UBL7: variants seen among roughly 807,000 people sequenced by gnomAD.
UBL7 encodes the protein ubiquitin-like protein 7.
UBL7 carries 21 observed loss-of-function variants against 41.7 expected under a neutral mutation model. The ratio of observed to expected loss-of-function variants is 0.50; its 90% confidence interval spans 0.36 to 0.73. UBL7 has a LOEUF of 0.73. Ranked by LOEUF, UBL7 falls within the 30% of genes least tolerant of loss-of-function variation. UBL7 has a pLI of 0.00. For missense variants in UBL7, 403 were observed against 478.4 expected, an observed-to-expected ratio of 0.84 and a Z score of 1.47; for synonymous variants, 157 against 186.9, an observed-to-expected ratio of 0.84 and a Z score of 1.31.
At chr15:74,449,796 G>T in intron 7 of UBL7, 121 bp from the exon 8 acceptor site, 1 of 1,541,238 alleles carries the variant, frequency 6.5e-7, no homozygotes. Context: ...AAAATTACAG[G>T]ACAGATGCAC....
intron 10 of UBL7, among the ~76,000 whole-genome samples, chr15:74,447,840 C>T (rs57283440): frequency 0.024 from 3,609 of 152,232 alleles, 145 homozygotes; most frequent in African/African-American, 0.083. Flanking sequence ...GCCCCATCTG[C>T]GGATCTTCTA....
intron 6 of UBL7, 115 bp from the exon 7 acceptor site, chr15:74,450,184 T>C: frequency 7.9e-7 from 1 of 1,264,854 alleles, no homozygotes; most frequent in Non-Finnish European, 1.1e-6. Flanking sequence ...TGCTCTCAAA[T>C]TCCTCAGTCT....
Position 74,452,386 on chromosome 15 carries a change from A to G in UBL7, c.305-8T>C. 6.4e-7 allele frequency: 1 copy of G among 1,555,304 alleles called. No individual in the cohort carries two copies. The highest frequency in any genetic ancestry group is 8.7e-7 in the Non-Finnish European group (1 of 1,148,540). On this transcript the variant is annotated splice_region_variant and splice_polypyrimidine_tract_variant and intron_variant, in intron 3 of 10. Coordinates refer to ENST00000395081, the MANE Select transcript of UBL7 (RefSeq NM_032907.5). Reference sequence around the variant, plus strand: ...CCACTTTGTCCACAGGTTCTGGGGGACAAGACATTCAGAGTTACCCTATAG... The same window carrying G: ...CCACTTTGTCCACAGGTTCTGGGGGGCAAGACATTCAGAGTTACCCTATAG...
chr15:74,446,858 TA>T lies in UBL7; in HGVS notation c.1006-632del, dbSNP rs1195198550. ...GAAATTCACCCATATTTTCTTCTAG[TA>T]CTTTCATAGCTTCATTAATATCTCT... On this transcript the variant is annotated intron_variant, in intron 10 of 10. Transcript: ENST00000395081. This position sits in a 1 kb window ranked among gnomAD's most constrained non-coding sequence, Gnocchi z 4.1. 6.6e-6 allele frequency among the ~76,000 whole-genome samples: 1 copy of T among 152,230 alleles called. No homozygotes were observed. The highest frequency in any genetic ancestry group is 1.5e-5 in the Non-Finnish European group (1 of 68,036).
chr15:74,452,374 AG>A lies in UBL7; in HGVS notation c.308del (p.Pro103LeufsTer8). On this transcript the variant is annotated frameshift_variant, in exon 4 of 11. Coordinates refer to ENST00000395081, the MANE Select transcript of UBL7 (RefSeq NM_032907.5). LOFTEE classifies it high-confidence loss of function. ...CTCTCATGGCAGCCACTTTGTCCAC[AG>A]GTTCTGGGGGACAAGACATTCAGAG... ...SWPEPDQKPE[P>X]VDKVAAMREF... The A allele has an allele frequency of 6.4e-7, 1 of 1,557,404 alleles. No individual in the cohort carries two copies. The highest frequency in any genetic ancestry group is 8.7e-7 in the Non-Finnish European group (1 of 1,149,526).
chr15:74,458,421 C>CAAAACA (rs2061313480), intron 2 of UBL7, among the ~76,000 whole-genome samples: 1 of 152,026 alleles, frequency 6.6e-6, no homozygotes, highest in Non-Finnish European at 1.5e-5. Context: ...GGCTACACAG[C>CAAAACA]AAAACAAAAA....
At position 74,447,534 on chromosome 15, in the gene UBL7, C is replaced by CA. The variant is rs2061195373; in HGVS notation, c.1005+943dup. ...GCTGGGCAACATAGGGAGACCCCCCCATCTCTACAAAAAATACAAAAAATT... is the reference window on the plus strand; with the variant it reads ...GCTGGGCAACATAGGGAGACCCCCCCAATCTCTACAAAAAATACAAAAAATT... On this transcript the variant is annotated intron_variant, in intron 10 of 10. Transcript: ENST00000395081. 1.1e-4 allele frequency among the ~76,000 whole-genome samples: 17 copies of CA among 152,234 alleles called. No individual in the cohort carries two copies. In the South Asian group the frequency reaches 3.3e-3, roughly 30 times the overall value.
intron 4 of UBL7, 71 bp from the exon 5 acceptor site, chr15:74,451,591 C>G (rs554438858): frequency 8.1e-7 from 1 of 1,233,124 alleles, no homozygotes; most frequent in East Asian, 2.3e-5. Flanking sequence ...CACACTCTGC[C>G]AAAGGACTTC....
intron 1 of UBL7, among the ~76,000 whole-genome samples, chr15:74,459,490 T>G (rs928403362): frequency 2.3e-4 from 35 of 150,530 alleles, no homozygotes; most frequent in Non-Finnish European, 4.1e-4. Flanking sequence ...TTTTTTTTTT[T>G]GTACTTTTAG....
rs775808553 is a variant in UBL7, at chr15:74,451,501, T to C, written c.407A>G (p.Asn136Ser). The C allele has an allele frequency of 9.3e-6, 15 of 1,614,124 alleles. No individual in the cohort carries two copies. Among genetic ancestry groups the C allele is most frequent in the Non-Finnish European group, 3.4e-6 (4 of 1,180,020 alleles). Residue 136 changes from asparagine (N) to serine (S), a missense_variant, in exon 5 of 11, where the codon AAT becomes AGT. By Grantham distance (46) the Asn-to-Ser change is conservative (BLOSUM62 1). Coordinates refer to ENST00000395081, the MANE Select transcript of UBL7 (RefSeq NM_032907.5). ...YREAVFKMLS[N>S]KESLDQIIVA... ...AATGATCTGATCCAGAGACTCCTTA[T>C]TGCTGAGCATCTTAAAGACCTGCAG... is the stretch of plus-strand genomic sequence containing the variant.
intron 10 of UBL7, among the ~76,000 whole-genome samples, chr15:74,447,520 T>G (rs771295416): frequency 6.6e-6 from 1 of 151,494 alleles, no homozygotes; most frequent in Admixed American, 6.6e-5. Flanking sequence ...CTGGGCAACA[T>G]AGGGAGACCC....
At chr15:74,452,960 C>T (rs956087075) in intron 3 of UBL7, among the ~76,000 whole-genome samples, 22 of 152,308 alleles carry the variant, frequency 1.4e-4, no homozygotes, top group African/African-American at 4.1e-4. Context: ...GATCCACACA[C>T]CTCGGCCTCC....
intron 4 of UBL7, among the ~76,000 whole-genome samples, chr15:74,451,974 C>A (rs1416014321): frequency 6.6e-6 from 1 of 152,214 alleles, no homozygotes; most frequent in Admixed American, 6.5e-5. Flanking sequence ...CCAGTGAGGA[C>A]ATCTAGGTCA....
At chr15:74,457,415 C>T (rs750444291) in intron 2 of UBL7, among the ~76,000 whole-genome samples, 3 of 152,076 alleles carry the variant, frequency 2.0e-5, no homozygotes, top group African/African-American at 4.8e-5. Flanking sequence ...TGGTGGCAGA[C>T]GCCTGTAATC....
chr15:74,448,985 A>T (rs756568254), intron 9 of UBL7, among the ~76,000 whole-genome samples: 1 of 152,200 alleles, frequency 6.6e-6, no homozygotes, highest in Non-Finnish European at 1.5e-5. Flanking sequence ...ACACGGGACC[A>T]TGTTAAAATC....
At chr15:74,459,916 G>A (rs1201823512) in intron 1 of UBL7, among the ~76,000 whole-genome samples, 2 of 116,406 alleles carry the variant, frequency 1.7e-5, no homozygotes, top group African/African-American at 3.4e-5. Flanking sequence ...CTGGGTGACA[G>A]AGAGAGACTC....
chr15:74,452,162 G>A, intron 4 of UBL7, 134 bp downstream of exon 4: 1 of 869,820 alleles, frequency 1.1e-6, no homozygotes, highest in Middle Eastern at 3.5e-4. Flanking sequence ...GAGGCCCACA[G>A]ACATGGCAAA....
chr15:74,458,565 G>C, intron 2 of UBL7, 119 bp downstream of exon 2: 1 of 806,940 alleles, frequency 1.2e-6, no homozygotes, highest in Non-Finnish European at 2.0e-6. Context: ...CACTTCCCTG[G>C]AGTGTTAACA....
chr15:74,452,484 A>G, intron 3 of UBL7, 106 bp from the exon 4 acceptor site: 1 of 1,131,784 alleles, frequency 8.8e-7, no homozygotes, highest in Non-Finnish European at 1.3e-6. Context: ...TGGTCTGTGC[A>G]TTCCCTTCCC....
Sources: allele counts gnomAD v4.1 joint callset (sites outside exome capture counted in the v4.1 genomes callset), GRCh38; gene constraint gnomAD v4.1.1; non-coding constraint Gnocchi (gnomAD v3.1); transcripts MANE v1.5; gene names NCBI Gene and HGNC (gene_info 2026-07-23, HGNC 2026-07-21).